Variants in AADAT observed in about 807,000 individuals in gnomAD.
The protein encoded by AADAT is aminoadipate aminotransferase, also known as kynurenine/alpha-aminoadipate aminotransferase, mitochondrial.
A neutral mutation model predicts 56.2 loss-of-function variants in AADAT; 25 were observed. The observed-to-expected ratio is 0.44, with a 90% CI of 0.32 to 0.62. The LOEUF is 0.62. Ranked by LOEUF, AADAT falls within the 20% of genes least tolerant of loss-of-function variation. The probability of loss-of-function intolerance (pLI) is 0.04; values close to 1 mark genes in which losing one functional copy is unlikely to be tolerated. For synonymous variants in AADAT, 173 were observed against 164.7 expected, an observed-to-expected ratio of 1.05 and a Z score of -0.39; for missense variants, 387 against 510.5, an observed-to-expected ratio of 0.76 and a Z score of 2.33.
intron 3 of AADAT, among the ~76,000 whole-genome samples, chr4:170,079,435 G>A (rs1732188150): frequency 6.6e-6 from 1 of 152,128 alleles, no homozygotes; most frequent in Non-Finnish European, 1.5e-5. Flanking sequence ...TACTCGTCTT[G>A]AAAAGATCAA....
chr4:170,070,422 TG>T, intron 6 of AADAT, 164 bp downstream of exon 6: 1 of 538,918 alleles, frequency 1.9e-6, no homozygotes, highest in East Asian at 3.7e-5. Context: ...ATAATAAAAC[TG>T]GAAGACTGAA....
In AADAT at chr4:170,087,679, T is replaced by C. The variant is rs72702396; in HGVS notation, c.237-431A>G. Among the ~76,000 whole-genome samples the C allele has an allele frequency of 4.0e-3, 604 of 152,256 alleles. 2 individuals carry two copies. The highest frequency in any genetic ancestry group is 7.1e-3 in the Non-Finnish European group (486 of 68,012). On this transcript the variant is annotated intron_variant, in intron 2 of 12. Coordinates refer to ENST00000337664, the MANE Select transcript of AADAT (RefSeq NM_016228.4). ...TTTAACATATTACATAACTAACACATATATACATGAATAACATTTCAATAC... is the reference window on the plus strand; with the variant it reads ...TTTAACATATTACATAACTAACACACATATACATGAATAACATTTCAATAC...
chr4:170,067,931 G>T (rs1731556840), intron 8 of AADAT, among the ~76,000 whole-genome samples: 2 of 152,106 alleles, frequency 1.3e-5, no homozygotes, highest in South Asian at 4.1e-4. Flanking sequence ...CAGAGGCCAG[G>T]AGTTAGAGAC....
upstream of AADAT, chr4:170,090,108 C>G (rs898116669): frequency 6.6e-6 from 1 of 152,250 alleles, no homozygotes; most frequent in Non-Finnish European, 1.5e-5. Flanking sequence ...AGCCCAGGCG[C>G]GAGGCGCTTG....
chr4:170,061,598 T>C (rs1731192322), intron 12 of AADAT, among the ~76,000 whole-genome samples: 1 of 152,180 alleles, frequency 6.6e-6, no homozygotes, highest in African/African-American at 2.4e-5. Flanking sequence ...GTTAATTCAA[T>C]AAAGGAAGGA....
intron 3 of AADAT, among the ~76,000 whole-genome samples, chr4:170,081,438 C>T (rs999090347): frequency 1.3e-5 from 2 of 152,028 alleles, no homozygotes; most frequent in Non-Finnish European, 2.9e-5. Context: ...AGATAAATAT[C>T]CAGGCCACAG....
Position 170,088,542 on chromosome 4 carries a change from T to C in AADAT, c.90A>G (p.Pro30=). 6.2e-7 allele frequency: 1 copy of C among 1,613,042 alleles called. No individual in the cohort carries two copies. The change falls in exon 2 of 13, where the codon CCA becomes CCG. Residue 30 remains proline, a synonymous_variant. Coordinates refer to ENST00000337664, the MANE Select transcript of AADAT (RefSeq NM_016228.4). ...CACCAGCCAAGGAGATCATCGATTTTGGTCCTCTGCTCAATATGTCAGCTA... is the reference window on the plus strand; with the variant it reads ...CACCAGCCAAGGAGATCATCGATTTCGGTCCTCTGCTCAATATGTCAGCTA... ...RTMTDILSRG[P]KSMISLAGGL... is the part of the protein sequence containing the mutation.
chr4:170,080,105 C>CA (rs1161489825), intron 3 of AADAT, among the ~76,000 whole-genome samples: 1 of 152,036 alleles, frequency 6.6e-6, no homozygotes, highest in East Asian at 1.9e-4. Context: ...CTTCCAGTTC[C>CA]AAAATGGTGG....
intron 1 of AADAT, 120 bp downstream of exon 1, chr4:170,089,504 G>C: frequency 9.2e-7 from 1 of 1,083,876 alleles, no homozygotes; most frequent in South Asian, 1.4e-5. Flanking sequence ...CTGGCTCACC[G>C]CGAGCGTGCA....
At chr4:170,090,438 T>C (rs572783660), upstream of AADAT, 1 of 152,334 alleles carries the variant, frequency 6.6e-6, no homozygotes, top group South Asian at 2.1e-4. Flanking sequence ...TTAGTGAAAC[T>C]CTGGGCACTC....
intron 11 of AADAT, among the ~76,000 whole-genome samples, chr4:170,062,723 C>A (rs1731255018): frequency 1.3e-5 from 2 of 152,136 alleles, no homozygotes; most frequent in East Asian, 3.9e-4. Context: ...GAATCCTAAT[C>A]AATGGATGTG....
chr4:170,077,820 A>T (rs189005189), intron 4 of AADAT, among the ~76,000 whole-genome samples: 59 of 152,346 alleles, frequency 3.9e-4, no homozygotes, highest in African/African-American at 1.3e-3. Flanking sequence ...TATGTATTTG[A>T]GGACAGTTTT....
In AADAT at chr4:170,076,245, A is replaced by AT. The variant is rs145270497; in HGVS notation, c.444+2263dup. ...AACCCAGTTTCTTCACATATTCACT[A>AT]TTTTTTTTTAAATAATAGCCATCGT... On this transcript the variant is annotated intron_variant, in intron 4 of 12. Coordinates refer to ENST00000337664, the MANE Select transcript of AADAT (RefSeq NM_016228.4). Among the ~76,000 whole-genome samples the AT allele has an allele frequency of 8.7e-3, 1,320 of 151,548 alleles. 15 individuals are homozygous for AT. Among genetic ancestry groups the AT allele is most frequent in the African/African-American group, 0.03 (1,240 of 41,332 alleles).
At chr4:170,090,048 G>A (rs571160150), upstream of AADAT, 2 of 153,060 alleles carry the variant, frequency 1.3e-5, no homozygotes, top group East Asian at 3.9e-4. Flanking sequence ...CGCCCGCGGC[G>A]CGCGCCTCCC....
chr4:170,091,814 C>T (rs1214319400), upstream of AADAT: 1 of 152,248 alleles, frequency 6.6e-6, no homozygotes, highest in Non-Finnish European at 1.5e-5. Flanking sequence ...CTGTATCTAG[C>T]TAATCTGATG....
Position 170,067,405 on chromosome 4 carries a change from C to A in AADAT, c.901-17G>T. The A allele has an allele frequency of 6.2e-7, 1 of 1,603,274 alleles. No individual in the cohort carries two copies. Among genetic ancestry groups the A allele is most frequent in the Non-Finnish European group, 8.5e-7 (1 of 1,173,248 alleles). ...TATCATGAGCTAAAAGAGATAAAAT[C>A]ATAAATACCATGTTTCATCCCCTGA... On this transcript the variant is annotated splice_polypyrimidine_tract_variant and intron_variant, in intron 8 of 12. Coordinates refer to ENST00000337664, the MANE Select transcript of AADAT (RefSeq NM_016228.4).
intron 10 of AADAT, among the ~76,000 whole-genome samples, chr4:170,066,086 A>G (rs1731446789): frequency 6.6e-6 from 1 of 152,156 alleles, no homozygotes; most frequent in South Asian, 2.1e-4. Context: ...ATGGTTTGAC[A>G]ATTTTACCCT....
At chr4:170,080,743 C>T (rs1165981511) in intron 3 of AADAT, among the ~76,000 whole-genome samples, 2 of 152,148 alleles carry the variant, frequency 1.3e-5, no homozygotes, top group Non-Finnish European at 2.9e-5. Flanking sequence ...CTTAAGGTGC[C>T]ACCTTGGAAG....
chr4:170,083,530 T>C (rs746991494), intron 3 of AADAT, among the ~76,000 whole-genome samples: 1 of 151,918 alleles, frequency 6.6e-6, no homozygotes, highest in African/African-American at 2.4e-5. Context: ...TGACAAGGGA[T>C]TAACAAGTCA....
Sources: gnomAD v4.1 joint callset for allele counts (sites outside exome capture counted in the v4.1 genomes callset) on GRCh38, gnomAD v4.1.1 for gene constraint, MANE v1.5 for transcripts, NCBI Gene and HGNC (gene_info 2026-07-23, HGNC 2026-07-21) for gene names.